Variants in LRP1 observed in about 807,000 individuals in gnomAD.
LRP1 encodes prolow-density lipoprotein receptor-related protein 1.
In LRP1, 51 loss-of-function variants were observed where a neutral mutation model predicts 541.5. The ratio of observed to expected loss-of-function variants is 0.09; its 90% CI spans 0.08 to 0.12. The LOEUF (loss-of-function observed/expected upper bound fraction) is 0.12. Ranked by LOEUF, LRP1 falls within the 10% of genes least tolerant of loss-of-function variation. The pLI is 1.00. For missense variants in LRP1, 3,878 were observed against 6,376.2 expected (o/e 0.61, Z 13.34); for synonymous variants, 2,219 against 2,470.8 (o/e 0.90, Z 3.02).
chr12:57,206,096 C>T lies in LRP1; in HGVS notation c.11591-377C>T, dbSNP rs970411329. On this transcript the variant is annotated intron_variant, in intron 75 of 88. Coordinates refer to ENST00000243077, the MANE Select transcript of LRP1 (RefSeq NM_002332.3). The surrounding 1 kb of genome is among the most constrained non-coding windows in gnomAD (Gnocchi z 4.7). Reference sequence around the variant, plus strand: ...CCCCACCATGCACTCCCATGCACACCCTCGTGCTCCATGCCAAGCACACAC... The same window carrying T: ...CCCCACCATGCACTCCCATGCACACTCTCGTGCTCCATGCCAAGCACACAC... 1.3e-5 allele frequency among the ~76,000 whole-genome samples: 2 copies of T among 152,200 alleles called. No individual in the cohort carries two copies. Among genetic ancestry groups the T allele is most frequent in the Non-Finnish European group, 2.9e-5 (2 of 68,032 alleles).
chr12:57,174,950 G>A (rs940719748), intron 22 of LRP1, among the ~76,000 whole-genome samples: 1 of 152,162 alleles, frequency 6.6e-6, no homozygotes, highest in Admixed American at 6.5e-5. Flanking sequence ...GGAAGATAAG[G>A]CCACAGGGAC....
intron 2 of LRP1, among the ~76,000 whole-genome samples, chr12:57,139,994 C>A (rs2035253580): frequency 1.3e-5 from 2 of 152,270 alleles, no homozygotes; most frequent in Non-Finnish European, 2.9e-5. Flanking sequence ...CTGTCACTCA[C>A]ACACCGTGTC....
chr12:57,202,018 G>C (rs2036667898), intron 67 of LRP1, 113 bp downstream of exon 67: 2 of 1,401,336 alleles, frequency 1.4e-6, no homozygotes, highest in African/African-American at 2.8e-5. Context: ...GCGTGGCCCT[G>C]CTGCTGGGCT....
intron 6 of LRP1, among the ~76,000 whole-genome samples, chr12:57,145,726 G>C (rs2035392376): frequency 6.6e-6 from 1 of 152,212 alleles, no homozygotes; most frequent in Admixed American, 6.5e-5. Flanking sequence ...CAAGGGCTGA[G>C]GGGGCAGTGA....
In LRP1 at chr12:57,179,144, C is replaced by T; in HGVS notation, c.4738+123C>T. On this transcript the variant is annotated intron_variant, in intron 28 of 88. Coordinates refer to ENST00000243077, the MANE Select transcript of LRP1 (RefSeq NM_002332.3). The surrounding 1 kb of genome is among the most constrained non-coding windows in gnomAD (Gnocchi z 6.8). ...CGGGAGGGTCCCGATAGGAGAGGCTCCAGAGACAGCCACTGTGAGAAGGGG... is the reference window on the plus strand; with the variant it reads ...CGGGAGGGTCCCGATAGGAGAGGCTTCAGAGACAGCCACTGTGAGAAGGGG... The T allele has an allele frequency of 1.5e-6, 2 of 1,371,398 alleles. No individual in the cohort carries two copies. Among genetic ancestry groups the T allele is most frequent in the South Asian group, 2.8e-5 (2 of 71,754 alleles). 85.0% of individuals were successfully genotyped at this position (1,371,398 alleles called of 1,614,324 possible).
At chr12:57,210,528 G>GCCCCCCC in intron 82 of LRP1, 48 bp downstream of exon 82, 2 of 1,483,010 alleles carry the variant, frequency 1.3e-6, no homozygotes, top group South Asian at 2.7e-5. Flanking sequence ...CTGGGCCCCA[G>GCCCCCCC]CCCCGCCACC....
chr12:57,189,232 C>T lies in LRP1; in HGVS notation c.7032-1573C>T, dbSNP rs1027783712. 1.6e-4 allele frequency among the ~76,000 whole-genome samples: 24 copies of T among 152,278 alleles called. No individual in the cohort carries two copies. Among genetic ancestry groups the T allele is most frequent in the Admixed American group, 8.5e-4 (13 of 15,308 alleles). ...TGTGTCACATGGAGGAGTTTGTTGA[C>T]GCCAGGAGGAAAACCACTTCTCACT... On this transcript the variant is annotated intron_variant, in intron 42 of 88. Transcript: ENST00000243077. This position sits in a 1 kb window ranked among gnomAD's most constrained non-coding sequence, Gnocchi z 4.4.
chr12:57,156,814 G>A lies in LRP1; in HGVS notation c.1455G>A (p.Lys485=). Reference sequence around the variant, plus strand: ...CCTGTGAAAACGACCAGTATGGGAAGCCGGGTGGCTGCTCTGACATCTGCC... The same window carrying A: ...CCTGTGAAAACGACCAGTATGGGAAACCGGGTGGCTGCTCTGACATCTGCC... ...SHACENDQYG[K]PGGCSDICLL... The change falls in exon 10 of 89, where the codon AAG becomes AAA. Residue 485 remains lysine (K), a synonymous_variant. Transcript: ENST00000243077. This position sits in a 1 kb window ranked among gnomAD's most constrained non-coding sequence, Gnocchi z 5.2. 1.2e-6 allele frequency: 2 copies of A among 1,609,670 alleles called. No homozygotes were observed. Among genetic ancestry groups the A allele is most frequent in the Non-Finnish European group, 1.7e-6 (2 of 1,178,384 alleles).
intron 77 of LRP1, 157 bp from the exon 78 acceptor site, chr12:57,208,554 A>T (rs951020817): frequency 3.3e-6 from 2 of 600,416 alleles, no homozygotes; most frequent in Non-Finnish European, 5.9e-6. Context: ...CAACCTGCTC[A>T]GAAGCAGACT....
At chr12:57,196,879 T>C in intron 55 of LRP1, 103 bp from the exon 56 acceptor site, 1 of 1,022,870 alleles carries the variant, frequency 9.8e-7, no homozygotes, top group Non-Finnish European at 1.4e-6. Context: ...CTGCTGCCCC[T>C]AGTGAGGCCG....
In LRP1 at chr12:57,158,369, G is replaced by A. The variant is rs1565724221; in HGVS notation, c.1562-33G>A. ...GGGTGGGGATGATGGTCATGTGTGT[G>A]TCTGACTGTACCCTGGCTTGTGCCT... is the stretch of plus-strand genomic sequence containing the variant. On this transcript the variant is annotated intron_variant, in intron 10 of 88. Transcript: ENST00000243077. This position sits in a 1 kb window ranked among gnomAD's most constrained non-coding sequence, Gnocchi z 5.3. 1 of 1,546,938 alleles carries A rather than the reference G, an allele frequency of 6.5e-7. No homozygotes were observed. Among genetic ancestry groups the A allele is most frequent in the East Asian group, 2.3e-5 (1 of 44,326 alleles).
At chr12:57,161,548 G>A (rs550942643) in intron 13 of LRP1, among the ~76,000 whole-genome samples, 12 of 152,168 alleles carry the variant, frequency 7.9e-5, no homozygotes, top group South Asian at 6.2e-4. Context: ...AGTCATGTAC[G>A]TGTTCTAGTA....
intron 1 of LRP1, among the ~76,000 whole-genome samples, chr12:57,134,374 CT>C (rs2035109023): frequency 6.6e-6 from 1 of 152,210 alleles, no homozygotes; most frequent in African/African-American, 2.4e-5. Flanking sequence ...AAGGCCACCC[CT>C]TAAAATCCTC....
At chr12:57,174,637 T>C (rs995015187) in intron 22 of LRP1, among the ~76,000 whole-genome samples, 1 of 152,156 alleles carries the variant, frequency 6.6e-6, no homozygotes, top group Non-Finnish European at 1.5e-5. Flanking sequence ...TAGCCGGACA[T>C]GTCTGCAGTC....
chr12:57,188,669 C>A (rs1036135914), intron 42 of LRP1, among the ~76,000 whole-genome samples: 4 of 152,232 alleles, frequency 2.6e-5, no homozygotes, highest in Non-Finnish European at 4.4e-5. Flanking sequence ...CACCAAGCTC[C>A]TTTCTTATGA....
intron 70 of LRP1, 22 bp downstream of exon 70, chr12:57,203,543 C>T (rs761290560): frequency 1.3e-6 from 2 of 1,501,114 alleles, no homozygotes; most frequent in African/African-American, 2.8e-5. Context: ...GGCTTGGTCT[C>T]CCTGGGTCCT....
At chr12:57,171,053 G>GA (rs923889776) in intron 20 of LRP1, among the ~76,000 whole-genome samples, 9 of 152,164 alleles carry the variant, frequency 5.9e-5, no homozygotes, top group African/African-American at 2.2e-4. Flanking sequence ...CTATCTCTGT[G>GA]AAGGGGAGGG....
At position 57,206,417 on chromosome 12, in the gene LRP1, G is replaced by C. The variant is rs528250312; in HGVS notation, c.11591-56G>C. The C allele has an allele frequency of 3.8e-6, 6 of 1,564,718 alleles. No individual in the cohort carries two copies. In the African/African-American group the frequency reaches 8.1e-5, roughly 21 times the overall value. ...GTGTTCATGTGAAAGGAGCTGAGCTGGGTGGGGTGCACACCTGCATCCCAC... is the reference window on the plus strand; with the variant it reads ...GTGTTCATGTGAAAGGAGCTGAGCTCGGTGGGGTGCACACCTGCATCCCAC... On this transcript the variant is annotated intron_variant, in intron 75 of 88. Coordinates refer to ENST00000243077, the MANE Select transcript of LRP1 (RefSeq NM_002332.3). This position sits in a 1 kb window ranked among gnomAD's most constrained non-coding sequence, Gnocchi z 4.7.
chr12:57,156,637 C>T lies in LRP1; in HGVS notation c.1418-140C>T. On this transcript the variant is annotated intron_variant, in intron 9 of 88. Transcript: ENST00000243077. The surrounding 1 kb of genome is among the most constrained non-coding windows in gnomAD (Gnocchi z 5.2). The stretch of plus-strand genomic sequence containing the variant: ...TGTTGGGGGGCAGAGGGTTTCCACC[C>T]CTGTGGCTTCCAAATCCTAAAATGG... The T allele has an allele frequency of 2.1e-6, 2 of 975,468 alleles. No homozygotes were observed. 60.4% of individuals were successfully genotyped at this position (975,468 alleles called of 1,614,324 possible). A position where few individuals can be genotyped will look rare whatever the true frequency, so the allele number is the denominator to read the frequency against.
Sources: allele counts gnomAD v4.1 joint callset (sites outside exome capture counted in the v4.1 genomes callset), GRCh38; gene constraint gnomAD v4.1.1; non-coding constraint Gnocchi (gnomAD v3.1); transcripts MANE v1.5; gene names NCBI Gene and HGNC (gene_info 2026-07-23, HGNC 2026-07-21).